The following SOS2 variants were observed in gnomAD, a reference collection of about 807,000 sequenced individuals.
SOS2 encodes the protein son of sevenless homolog 2.
A neutral mutation model predicts 148.2 loss-of-function variants in SOS2; 65 were observed. That is an observed-to-expected ratio of 0.44 (90% CI 0.36 to 0.54). SOS2 has a LOEUF of 0.54. Ranked by LOEUF, SOS2 falls within the 20% of genes least tolerant of loss-of-function variation. The pLI is 0.00. For missense variants in SOS2, 1,341 were observed against 1,590.2 expected (o/e 0.84, Z 2.67); for synonymous variants, 539 against 537.1 (o/e 1.00, Z -0.05).
At chr14:50,122,391 C>CTTTTTTTTTTTTTTTTTT (rs71118839) in intron 21 of SOS2, among the ~76,000 whole-genome samples, 10 of 88,292 alleles carry the variant, frequency 1.1e-4, no homozygotes, top group African/African-American at 4.8e-4. Context: ...GAACCCTGGG[C>CTTTTTTTTTTTTTTTTTT]TTTTTTTTTT....
intron 21 of SOS2, among the ~76,000 whole-genome samples, chr14:50,120,956 T>C (rs536595566): frequency 6.6e-6 from 1 of 152,154 alleles, no homozygotes; most frequent in African/African-American, 2.4e-5. Flanking sequence ...GTCAGGCTGG[T>C]CTCAAACTCC....
intron 19 of SOS2, among the ~76,000 whole-genome samples, chr14:50,133,130 T>G (rs1883942886): frequency 6.6e-6 from 1 of 152,094 alleles, no homozygotes; most frequent in South Asian, 2.1e-4. Flanking sequence ...TGTCCTGAAC[T>G]TGAGGAAGCT....
chr14:50,168,669 A>G (rs1366018930), intron 8 of SOS2, among the ~76,000 whole-genome samples: 1 of 152,186 alleles, frequency 6.6e-6, no homozygotes, highest in Non-Finnish European at 1.5e-5. Flanking sequence ...CCCATTCTAT[A>G]GAATGCCGTT....
At chr14:50,163,175 T>C (rs1033512501) in intron 8 of SOS2, among the ~76,000 whole-genome samples, 1 of 150,502 alleles carries the variant, frequency 6.6e-6, no homozygotes, top group African/African-American at 2.4e-5. Flanking sequence ...GAACATCATA[T>C]AGATATTATA....
chr14:50,192,176 A>T (rs938150326), intron 4 of SOS2, among the ~76,000 whole-genome samples: 3 of 137,504 alleles, frequency 2.2e-5, no homozygotes, highest in African/African-American at 8.1e-5. Context: ...AAAAAAAAAA[A>T]GGAGCGAGCA....
At chr14:50,192,961 T>C (rs1427861067) in intron 4 of SOS2, among the ~76,000 whole-genome samples, 1 of 152,112 alleles carries the variant, frequency 6.6e-6, no homozygotes, top group Non-Finnish European at 1.5e-5. Context: ...GAACTAAGCT[T>C]CCTCAGAGCA....
At chr14:50,170,910 C>T (rs538975758) in intron 8 of SOS2, among the ~76,000 whole-genome samples, 16 of 150,382 alleles carry the variant, frequency 1.1e-4, no homozygotes, top group African/African-American at 3.7e-4. Context: ...GTCAGGAATT[C>T]GAGACCAGCC....
At chr14:50,126,964 A>G (rs898244472) in intron 21 of SOS2, among the ~76,000 whole-genome samples, 1 of 151,920 alleles carries the variant, frequency 6.6e-6, no homozygotes, top group Non-Finnish European at 1.5e-5. Flanking sequence ...GTAGATTATT[A>G]AGAATAAAGA....
chr14:50,171,809 T>C (rs1885376327), intron 8 of SOS2, among the ~76,000 whole-genome samples: 1 of 152,094 alleles, frequency 6.6e-6, no homozygotes, highest in Non-Finnish European at 1.5e-5. Context: ...GCGTCATTGA[T>C]GTTGTGTATT....
rs61620791 is a variant in SOS2, at chr14:50,186,620, TAA to T, written c.714+1875_714+1876del. Among the ~76,000 whole-genome samples, 167 of 136,266 alleles carry T rather than the reference TAA, an allele frequency of 1.2e-3. 1 individual carries two copies. Among genetic ancestry groups the T allele is most frequent in the African/African-American group, 3.5e-3 (133 of 37,938 alleles). The allele number at this position is 136,266 out of a possible 152,430, so 89.4% of individuals were successfully genotyped here. The stretch of plus-strand genomic sequence containing the variant: ...ACATAGCAAGACCCCCATCTATATT[TAA>T]AAAAAAAAAAAAAAAGTCAATCTCC... On this transcript the variant is annotated intron_variant, in intron 5 of 22. Coordinates refer to ENST00000216373, the MANE Select transcript of SOS2 (RefSeq NM_006939.4).
intron 8 of SOS2, among the ~76,000 whole-genome samples, chr14:50,162,752 T>C (rs1450905106): frequency 3.3e-5 from 5 of 152,194 alleles, no homozygotes; most frequent in Non-Finnish European, 5.9e-5. Flanking sequence ...CTTTAGAAGA[T>C]TTAGAAACTG....
At chr14:50,137,121 C>G (rs1383094999) in intron 18 of SOS2, among the ~76,000 whole-genome samples, 1 of 151,952 alleles carries the variant, frequency 6.6e-6, no homozygotes, top group Non-Finnish European at 1.5e-5. Flanking sequence ...TAATATGTTC[C>G]CAAGTTCAAG....
At chr14:50,221,566 T>C (rs1320552348) in intron 1 of SOS2, among the ~76,000 whole-genome samples, 1 of 152,190 alleles carries the variant, frequency 6.6e-6, no homozygotes, top group East Asian at 1.9e-4. Context: ...AAAGAGATAA[T>C]TACAAATATT....
At chr14:50,221,789 G>T (rs1887210165) in intron 1 of SOS2, among the ~76,000 whole-genome samples, 2 of 152,106 alleles carry the variant, frequency 1.3e-5, no homozygotes, top group Non-Finnish European at 1.5e-5. Context: ...AGTGAGCCAT[G>T]ATCATGCCAC....
At chr14:50,208,275 GGTGAGA>G (rs1299065796) in intron 1 of SOS2, among the ~76,000 whole-genome samples, 1 of 151,866 alleles carries the variant, frequency 6.6e-6, no homozygotes. Context: ...CTCCAGCCTG[GGTGAGA>G]GTGAGACTCT....
chr14:50,224,291 A>AG (rs1297540675), intron 1 of SOS2, among the ~76,000 whole-genome samples: 1 of 26,718 alleles, frequency 3.7e-5, no homozygotes, highest in Non-Finnish European at 7.6e-5. Flanking sequence ...ACTCCGTCTC[A>AG]GGAAAAAAAA....
chr14:50,148,210 G>A (rs1198173658), intron 14 of SOS2, among the ~76,000 whole-genome samples: 2 of 151,726 alleles, frequency 1.3e-5, no homozygotes, highest in South Asian at 2.1e-4. Context: ...TAAGGAGTTC[G>A]TGACCACTGT....
intron 4 of SOS2, among the ~76,000 whole-genome samples, chr14:50,194,686 G>A (rs1463161899): frequency 6.6e-6 from 1 of 151,008 alleles, no homozygotes; most frequent in Non-Finnish European, 1.5e-5. Flanking sequence ...GCTGAGGCAG[G>A]AGAATTGCTT....
At chr14:50,158,758 A>G in intron 10 of SOS2, 112 bp from the exon 11 acceptor site, 1 of 668,290 alleles carries the variant, frequency 1.5e-6, no homozygotes, top group South Asian at 1.9e-5. Context: ...TTGGCTCCTC[A>G]GATTGTGGCT....
Sources: gnomAD v4.1 joint callset for allele counts (sites outside exome capture counted in the v4.1 genomes callset) on GRCh38, gnomAD v4.1.1 for gene constraint, MANE v1.5 for transcripts, NCBI Gene and HGNC (gene_info 2026-07-23, HGNC 2026-07-21) for gene names.